The following ATP9B variants were observed in gnomAD, a reference collection of about 807,000 sequenced individuals.
ATP9B encodes ATPase phospholipid transporting 9B.
Under a neutral mutation model 146.1 loss-of-function variants are expected in ATP9B, and 110 were observed. That is an observed-to-expected ratio of 0.75 (90% CI 0.65 to 0.88). The LOEUF (loss-of-function observed/expected upper bound fraction) is 0.88. Among genes scored for constraint, ATP9B ranks in the 40% least tolerant of loss-of-function variants. ATP9B has a pLI of 0.00. For synonymous variants in ATP9B, 604 were observed against 569.7 expected (o/e 1.06, Z -0.86); for missense variants, 1,499 against 1,496.4 (o/e 1.00, Z -0.03).
At chr18:79,266,814 A>ATG (rs1450522496) in intron 12 of ATP9B, among the ~76,000 whole-genome samples, 2 of 152,056 alleles carry the variant, frequency 1.3e-5, no homozygotes, top group Non-Finnish European at 2.9e-5. Context: ...TAATGATGGT[A>ATG]TGTTAGTATT....
At chr18:79,174,163 C>T in intron 7 of ATP9B, 1 of 423,776 alleles carries the variant, frequency 2.4e-6, no homozygotes, top group Non-Finnish European at 4.6e-6. Flanking sequence ...AGTAAACTTC[C>T]CTTAAAGGTT....
intron 8 of ATP9B, among the ~76,000 whole-genome samples, chr18:79,182,253 C>T (rs2095260270): frequency 6.6e-6 from 1 of 152,204 alleles, no homozygotes; most frequent in Non-Finnish European, 1.5e-5. Context: ...CTCTCCAACT[C>T]TGTGGTCTCT....
At chr18:79,154,627 A>C in intron 7 of ATP9B, 72 bp downstream of exon 7, 2 of 1,005,524 alleles carry the variant, frequency 2.0e-6, no homozygotes, top group Non-Finnish European at 2.9e-6. Context: ...TATCTATACA[A>C]GGAAAAACTG....
chr18:79,336,610 C>T lies in ATP9B; in HGVS notation c.2029-18C>T, dbSNP rs780937650. On this transcript the variant is annotated intron_variant, in intron 17 of 29. Coordinates refer to ENST00000426216, the MANE Select transcript of ATP9B (RefSeq NM_198531.5). ...GGCTCTGCAGGGCCCACCTGTGACT[C>T]GGCCTCTCCTTTTCCAGTGCGGAAA... 7 of 1,612,400 alleles carry T rather than the reference C, an allele frequency of 4.3e-6. No individual in the cohort carries two copies. Among genetic ancestry groups the T allele is most frequent in the Admixed American group, 1.7e-5 (1 of 59,958 alleles).
At chr18:79,364,153 C>T (rs1022542898) in intron 26 of ATP9B, 1 of 151,790 alleles carries the variant, frequency 6.6e-6, no homozygotes, top group Non-Finnish European at 1.5e-5. Flanking sequence ...GTAGTCCCAG[C>T]TACACGGGAG....
At chr18:79,097,821 G>A (rs28821881) in intron 2 of ATP9B, among the ~76,000 whole-genome samples, 14,717 of 140,904 alleles carry the variant, frequency 0.1, 901 homozygotes, top group African/African-American at 0.21. Context: ...ATTGTGAATA[G>A]TGCCGCAATA....
At position 79,307,175 on chromosome 18, in the gene ATP9B, G is replaced by A. The variant is rs186653900; in HGVS notation, c.1714G>A (p.Glu572Lys). Residue 572 changes from glutamate to lysine, a missense_variant, in exon 15 of 30, where the codon GAG (glutamate) becomes AAG (lysine). By Grantham distance (56) the Glu-to-Lys change is moderately conservative. Transcript: ENST00000426216. Reference sequence around the variant, plus strand: ...CGTTACTGAGGAGACTGAGTTCGCAGAGGCTGACCAAGACTTCAGTGATGA... The same window carrying A: ...CGTTACTGAGGAGACTGAGTTCGCAAAGGCTGACCAAGACTTCAGTGATGA... ...AGVTEETEFAEADQDFSDENR... is the reference protein window; with the variant it reads ...AGVTEETEFAKADQDFSDENR... The A allele has an allele frequency of 6.2e-7, 1 of 1,614,246 alleles. No homozygotes were observed. The highest frequency in any genetic ancestry group is 1.3e-5 in the African/African-American group (1 of 75,056).
chr18:79,123,062 C>T (rs979671324), intron 4 of ATP9B, among the ~76,000 whole-genome samples: 8 of 152,024 alleles, frequency 5.3e-5, no homozygotes, highest in Non-Finnish European at 4.4e-5. Flanking sequence ...TTCTGTTCAA[C>T]ATTGTATAGG....
At chr18:79,129,184 A>T (rs1298299239) in intron 5 of ATP9B, among the ~76,000 whole-genome samples, 1 of 152,204 alleles carries the variant, frequency 6.6e-6, no homozygotes, top group African/African-American at 2.4e-5. Context: ...AGGGCAAAAG[A>T]TGACAGTCAA....
At chr18:79,117,547 C>G (rs1001484689) in intron 4 of ATP9B, 9 of 152,042 alleles carry the variant, frequency 5.9e-5, no homozygotes, top group African/African-American at 1.9e-4. Context: ...TTAGCATGCT[C>G]CAGGGTGGGA....
chr18:79,122,194 T>C (rs891991536), intron 4 of ATP9B, among the ~76,000 whole-genome samples: 3 of 152,210 alleles, frequency 2.0e-5, no homozygotes, highest in African/African-American at 7.2e-5. Flanking sequence ...ATATTGTCTA[T>C]ACTATATAAA....
At chr18:79,248,414 T>A (rs1457203424) in intron 11 of ATP9B, among the ~76,000 whole-genome samples, 5 of 152,244 alleles carry the variant, frequency 3.3e-5, no homozygotes, top group Non-Finnish European at 7.3e-5. Context: ...GTGGAAAATA[T>A]AGGGCTTATT....
At position 79,347,778 on chromosome 18, in the gene ATP9B, A is replaced by C; in HGVS notation, c.2691A>C (p.Lys897Asn). ...CGIGIEGKEG[K>N]QASLAADFSI... The stretch of plus-strand genomic sequence containing the variant: ...GTGTGCTTTTCTCTCAGGAGGGTAA[A>C]CAGGCCTCGCTGGCGGCCGACTTCT... The change falls in exon 24 of 30, where the codon AAA becomes AAC. Residue 897 changes from lysine to asparagine, a missense_variant. Coordinates refer to ENST00000426216, the MANE Select transcript of ATP9B (RefSeq NM_198531.5). 6.4e-7 allele frequency: 1 copy of C among 1,570,836 alleles called. No homozygotes were observed. The highest frequency in any genetic ancestry group is 8.6e-7 in the Non-Finnish European group (1 of 1,157,790).
At chr18:79,204,524 C>T (rs2095517250) in intron 9 of ATP9B, among the ~76,000 whole-genome samples, 1 of 152,010 alleles carries the variant, frequency 6.6e-6, no homozygotes, top group Non-Finnish European at 1.5e-5. Context: ...AAATATATAT[C>T]CTTAGTATTT....
At chr18:79,326,593 C>T (rs955036237) in intron 15 of ATP9B, among the ~76,000 whole-genome samples, 4 of 151,406 alleles carry the variant, frequency 2.6e-5, no homozygotes, top group Non-Finnish European at 4.4e-5. Flanking sequence ...CCTCCCTGAG[C>T]TCACATGGTG....
intron 1 of ATP9B, among the ~76,000 whole-genome samples, chr18:79,091,733 G>A (rs1271381308): frequency 2.0e-5 from 3 of 152,154 alleles, no homozygotes; most frequent in Non-Finnish European, 4.4e-5. Context: ...AAGATAATTT[G>A]ATTATTTCCT....
Position 79,257,702 on chromosome 18 carries a change from C to T in ATP9B, c.1268+4161C>T, listed in dbSNP as rs933085471. ...ACAAGTGCACTCCAGCTCAGCCTCC[C>T]CAGCCTCCAGCACAGGGCGCCTGCT... is the stretch of plus-strand genomic sequence containing the variant. On this transcript the variant is annotated intron_variant, in intron 12 of 29. Coordinates refer to ENST00000426216, the MANE Select transcript of ATP9B (RefSeq NM_198531.5). Among the ~76,000 whole-genome samples, 4 of 152,358 alleles carry T rather than the reference C, an allele frequency of 2.6e-5. No homozygotes were observed. The East Asian group carries it at 7.7e-4, about 29-fold the overall frequency.
chr18:79,373,521 G>A (rs1268110369), intron 27 of ATP9B, among the ~76,000 whole-genome samples: 2 of 140,126 alleles, frequency 1.4e-5, no homozygotes, highest in African/African-American at 2.7e-5. Flanking sequence ...ACAGAGTCTC[G>A]CTCTGTCACC....
At position 79,070,359 on chromosome 18, in the gene ATP9B, C is replaced by T. The variant is rs114138024; in HGVS notation, c.119+830C>T. ...ACTAACATATAGCTCAAAGTACATACTGGAATGTTATAACGCTGATTTGAG... is the reference window on the plus strand; with the variant it reads ...ACTAACATATAGCTCAAAGTACATATTGGAATGTTATAACGCTGATTTGAG... On this transcript the variant is annotated intron_variant, in intron 1 of 29. Coordinates refer to ENST00000426216, the MANE Select transcript of ATP9B (RefSeq NM_198531.5). Among the ~76,000 whole-genome samples, 742 of 152,300 alleles carry T rather than the reference C, an allele frequency of 4.9e-3. 5 individuals carry two copies. The highest frequency in any genetic ancestry group is 0.024 in the South Asian group (117 of 4,828).
Sources: allele counts gnomAD v4.1 joint callset (sites outside exome capture counted in the v4.1 genomes callset), GRCh38; gene constraint gnomAD v4.1.1; transcripts MANE v1.5; gene names NCBI Gene and HGNC (gene_info 2026-07-23, HGNC 2026-07-21).